The following OTOF variants were observed in gnomAD, a reference collection of about 807,000 sequenced individuals.
OTOF encodes fer-1-like family member 2.
A neutral mutation model predicts 236.8 loss-of-function variants in OTOF; 218 were observed. That is an observed-to-expected ratio of 0.92 (90% CI 0.82 to 1.03). OTOF has a LOEUF of 1.03. Among genes scored for constraint, OTOF ranks in the 50% least tolerant of loss-of-function variants. The pLI is 0.00. For synonymous variants in OTOF, 1,041 were observed against 1,072.5 expected, an observed-to-expected ratio of 0.97 and a Z score of 0.57; for missense variants, 2,590 against 2,694.4, an observed-to-expected ratio of 0.96 and a Z score of 0.86.
rs145556189 is a variant in OTOF, at chr2:26,466,025, C to T, written c.4552G>A (p.Ala1518Thr). 3.7e-5 allele frequency: 59 copies of T among 1,614,150 alleles called. No individual in the cohort carries two copies. In the African/African-American group the frequency reaches 6.7e-4, roughly 18 times the overall value. Residue 1518 changes from alanine to threonine, a missense_variant, in exon 37 of 47, where the codon GCC becomes ACC. Ala to Thr is a moderately conservative substitution (Grantham distance 58). Transcript: ENST00000272371. ...ATGTCAGTCTTGCCTAGCCGGATGGCGATGTAGGGGTCAGCTTTGCCGTTG... is the reference window on the plus strand; with the variant it reads ...ATGTCAGTCTTGCCTAGCCGGATGGTGATGTAGGGGTCAGCTTTGCCGTTG... ...DINGKADPYI[A>T]IRLGKTDIRD... is the part of the protein sequence containing the mutation.
chr2:26,537,608 G>C, intron 2 of OTOF, 108 bp downstream of exon 2: 1 of 825,942 alleles, frequency 1.2e-6, no homozygotes, highest in Non-Finnish European at 2.0e-6. Context: ...CTCAGAGCAG[G>C]CCAGTGCCTG....
intron 1 of OTOF, among the ~76,000 whole-genome samples, chr2:26,554,165 CA>C (rs34196608): frequency 0.019 from 1,493 of 79,510 alleles, 15 homozygotes; most frequent in African/African-American, 0.07. Context: ...GAGCGAGACT[CA>C]AAAAAAAAAA....
At chr2:26,544,319 T>C (rs1322127478) in intron 1 of OTOF, among the ~76,000 whole-genome samples, 5 of 152,220 alleles carry the variant, frequency 3.3e-5, no homozygotes, top group African/African-American at 4.8e-5. Flanking sequence ...GTTCCACATG[T>C]TCTCTCATGT....
In OTOF at chr2:26,473,458, T is replaced by A. The variant is rs1665097548; in HGVS notation, c.3518A>T (p.His1173Leu). The A allele has an allele frequency of 6.2e-7, 1 of 1,613,218 alleles. No individual in the cohort carries two copies. Among genetic ancestry groups the A allele is most frequent in the Non-Finnish European group, 8.5e-7 (1 of 1,179,978 alleles). ...GAAGTTGGGGTTCTTCTTATAATTG[T>A]GGATCAGGGACGACTGCACCCCCTT... ...AGKGVQSSLIHNYKKNPNFNT... is the reference protein window; with the variant it reads ...AGKGVQSSLILNYKKNPNFNT... Residue 1173 changes from histidine (H) to leucine (L), a missense_variant, in exon 28 of 47, where the codon CAC (histidine) becomes CTC (leucine). Coordinates refer to ENST00000272371, the MANE Select transcript of OTOF (RefSeq NM_194248.3). The surrounding 1 kb of genome is among the most constrained non-coding windows in gnomAD (Gnocchi z 7.2).
intron 1 of OTOF, among the ~76,000 whole-genome samples, chr2:26,544,619 G>T (rs1440723251): frequency 6.6e-6 from 1 of 152,142 alleles, no homozygotes; most frequent in Non-Finnish European, 1.5e-5. Flanking sequence ...CTAGGGTTGG[G>T]CTATATGAGC....
intron 2 of OTOF, among the ~76,000 whole-genome samples, chr2:26,533,629 G>C (rs1356294369): frequency 6.6e-6 from 1 of 152,062 alleles, no homozygotes; most frequent in Non-Finnish European, 1.5e-5. Context: ...GTGATCTAAA[G>C]TCCCTTTAGG....
chr2:26,529,081 T>C (rs1452159184), intron 2 of OTOF, among the ~76,000 whole-genome samples: 1 of 152,104 alleles, frequency 6.6e-6, no homozygotes, highest in Non-Finnish European at 1.5e-5. Context: ...GGGGAGGATG[T>C]GGAGGGCCTC....
chr2:26,463,876 A>T, intron 40 of OTOF, 88 bp downstream of exon 40: 1 of 1,554,738 alleles, frequency 6.4e-7, no homozygotes, highest in East Asian at 2.2e-5. Context: ...GGACAGCGTG[A>T]GGCCTGGCTT....
At chr2:26,534,671 G>C (rs1307529709) in intron 2 of OTOF, among the ~76,000 whole-genome samples, 1 of 152,110 alleles carries the variant, frequency 6.6e-6, no homozygotes, top group Non-Finnish European at 1.5e-5. Context: ...TTTTAGCCTT[G>C]TGACAGTCCC....
rs1271401743 is a variant in OTOF at position 26,458,225 on chromosome 2, G to A, written c.*18-5C>T. On this transcript the variant is annotated splice_polypyrimidine_tract_variant and splice_region_variant and intron_variant, in intron 46 of 46. Transcript: ENST00000272371. ...ACGAAGGCCGTGTCGGGCCGGCTGG[G>A]AAGTGGAAGAGAGGAGCCGGTCAGC... 1 of 1,571,066 alleles carries A rather than the reference G, an allele frequency of 6.4e-7. No individual in the cohort carries two copies. The highest frequency in any genetic ancestry group is 1.2e-5 in the South Asian group (1 of 86,456).
At chr2:26,523,200 C>T (rs561832813) in intron 3 of OTOF, among the ~76,000 whole-genome samples, 8 of 152,362 alleles carry the variant, frequency 5.3e-5, no homozygotes, top group African/African-American at 1.4e-4. Flanking sequence ...TCAGAGGTCC[C>T]GGACAGGCAG....
In OTOF at chr2:26,480,330, A is replaced by G; in HGVS notation, c.1804-19T>C. 1 of 1,475,970 alleles carries G rather than the reference A, an allele frequency of 6.8e-7. No homozygotes were observed. Among genetic ancestry groups the G allele is most frequent in the Non-Finnish European group, 9.4e-7 (1 of 1,058,762 alleles). The allele number at this position is 1,475,970 out of a possible 1,614,324, so 91.4% of individuals were successfully genotyped here. ...CACAGCTCTGTGGGGAGGCAGTTCA[A>G]AGCGTTCCTGAGCTTGAGTAAGGGT... On this transcript the variant is annotated intron_variant, in intron 15 of 46. Transcript: ENST00000272371.
At chr2:26,467,007 G>A in intron 35 of OTOF, 92 bp downstream of exon 35, 2 of 1,573,490 alleles carry the variant, frequency 1.3e-6, no homozygotes, top group Non-Finnish European at 1.7e-6. Flanking sequence ...TGGAGGCAGT[G>A]GCCGGGGCAG....
rs560771604 is a variant in OTOF, at chr2:26,530,296, C to T, written c.139-2376G>A. Among the ~76,000 whole-genome samples, 6 of 151,926 alleles carry T rather than the reference C, an allele frequency of 3.9e-5. No homozygotes were observed. In the East Asian group the frequency reaches 5.8e-4, roughly 15 times the overall value. ...GGAGGGAGGCTGCCTGGCTGCGGGG[C>T]GAGGGCCAGTTTGTTGAGTGAGAGT... On this transcript the variant is annotated intron_variant, in intron 2 of 46. Transcript: ENST00000272371.
chr2:26,510,892 C>T (rs1406194666), intron 5 of OTOF: 5 of 375,172 alleles, frequency 1.3e-5, no homozygotes, highest in Middle Eastern at 7.0e-4. Context: ...CCCACAGCTT[C>T]GCACGGTAGC....
chr2:26,543,388 C>A (rs563523660), intron 1 of OTOF, among the ~76,000 whole-genome samples: 2 of 152,276 alleles, frequency 1.3e-5, no homozygotes, highest in African/African-American at 2.4e-5. Context: ...TATCCTGGAC[C>A]AGCCTGTGTC....
chr2:26,545,512 A>T (rs2148130466), intron 1 of OTOF, among the ~76,000 whole-genome samples: 1 of 151,944 alleles, frequency 6.6e-6, no homozygotes, highest in African/African-American at 2.4e-5. Context: ...AATTTTTTTT[A>T]CTCTGTGACT....
chr2:26,505,929 C>A (rs528363045), intron 5 of OTOF, among the ~76,000 whole-genome samples: 3 of 152,172 alleles, frequency 2.0e-5, no homozygotes, highest in Non-Finnish European at 4.4e-5. Flanking sequence ...ACCTGAGCAC[C>A]CAAACATTTG....
chr2:26,540,114 A>G (rs1572491040), intron 1 of OTOF, among the ~76,000 whole-genome samples: 2 of 152,082 alleles, frequency 1.3e-5, no homozygotes, highest in African/African-American at 4.8e-5. Context: ...TTTTACTTTT[A>G]GTAGAGATGG....
Sources: gnomAD v4.1 joint callset for allele counts (sites outside exome capture counted in the v4.1 genomes callset) on GRCh38, gnomAD v4.1.1 for gene constraint, Gnocchi (gnomAD v3.1) non-coding constraint, MANE v1.5 for transcripts, NCBI Gene and HGNC (gene_info 2026-07-23, HGNC 2026-07-21) for gene names.